SDK1: variants seen among roughly 807,000 people sequenced by gnomAD.
SDK1 encodes sidekick cell adhesion molecule 1.
A neutral mutation model predicts 245.5 loss-of-function variants in SDK1; 157 were observed. The observed-to-expected ratio is 0.64, with a 90% CI of 0.56 to 0.73. The LOEUF (loss-of-function observed/expected upper bound fraction) is 0.73. Among genes scored for constraint, SDK1 ranks in the 30% least tolerant of loss-of-function variants. The probability of loss-of-function intolerance (pLI) is 0.00; values close to 1 mark genes in which losing one functional copy is unlikely to be tolerated. For synonymous variants in SDK1, 1,647 were observed against 1,278.5 expected (o/e 1.29, Z -6.15); for missense variants, 3,583 against 3,002.3 (o/e 1.19, Z -4.52).
At chr7:4,127,011 T>G (rs760730642) in intron 25 of SDK1, among the ~76,000 whole-genome samples, 2 of 152,180 alleles carry the variant, frequency 1.3e-5, no homozygotes, top group African/African-American at 2.4e-5. Flanking sequence ...CTCCTGTCCC[T>G]ATCACAGAAT....
intron 17 of SDK1, among the ~76,000 whole-genome samples, chr7:4,031,595 G>T (rs1305532880): frequency 1.3e-5 from 2 of 149,762 alleles, no homozygotes; most frequent in African/African-American, 4.9e-5. Flanking sequence ...ATGTCAAGAA[G>T]TGTACATGTA....
At chr7:4,186,732 G>A (rs373660642) in intron 35 of SDK1, among the ~76,000 whole-genome samples, 15 of 152,280 alleles carry the variant, frequency 9.9e-5, no homozygotes, top group South Asian at 2.1e-4. Flanking sequence ...ACCTCACTAA[G>A]CCCTCAAATG....
intron 1 of SDK1, among the ~76,000 whole-genome samples, chr7:3,416,715 G>A (rs1359617185): frequency 1.3e-5 from 2 of 152,106 alleles, no homozygotes; most frequent in Non-Finnish European, 2.9e-5. Context: ...GCTGACGTCA[G>A]GCTTAAGCTG....
At chr7:3,547,870 C>A (rs537877441) in intron 1 of SDK1, among the ~76,000 whole-genome samples, 2 of 152,182 alleles carry the variant, frequency 1.3e-5, no homozygotes, top group African/African-American at 2.4e-5. Flanking sequence ...TTCTGCCTGG[C>A]CATCTGCTTC....
chr7:3,961,578 C>CAGCTTT (rs1244175052), intron 8 of SDK1, among the ~76,000 whole-genome samples: 2 of 151,406 alleles, frequency 1.3e-5, no homozygotes, highest in Non-Finnish European at 2.9e-5. Context: ...TGGAGCGAGG[C>CAGCTTT]AGCTTTTCCT....
chr7:3,561,028 A>T (rs1251459202), intron 1 of SDK1, among the ~76,000 whole-genome samples: 1 of 151,988 alleles, frequency 6.6e-6, no homozygotes, highest in Non-Finnish European at 1.5e-5. Flanking sequence ...CACATCTAAC[A>T]TACTATATGT....
rs34525808 is a variant in SDK1, at chr7:4,232,364, CT to C, written c.5828-880del. Among the ~76,000 whole-genome samples the C allele has an allele frequency of 1.7e-3, 192 of 112,520 alleles. 2 individuals carry two copies. Among genetic ancestry groups the C allele is most frequent in the African/African-American group, 5.0e-3 (148 of 29,850 alleles). The allele number at this position is 112,520 out of a possible 152,430, so 73.8% of individuals were successfully genotyped here. ...TATAGTGTCATAAGTTTTTTTCTTTCTTTTTTTTTTTCCTTTTTTCTTTTTT... is the reference window on the plus strand; with the variant it reads ...TATAGTGTCATAAGTTTTTTTCTTTCTTTTTTTTTTCCTTTTTTCTTTTTT... On this transcript the variant is annotated intron_variant, in intron 40 of 44. Transcript: ENST00000404826.
chr7:4,058,609 T>C (rs188108064), intron 19 of SDK1, among the ~76,000 whole-genome samples: 2 of 152,278 alleles, frequency 1.3e-5, no homozygotes, highest in Non-Finnish European at 2.9e-5. Flanking sequence ...GAAAAGCATC[T>C]ACTCACTTAT....
At chr7:3,416,285 G>A (rs1583825122) in intron 1 of SDK1, among the ~76,000 whole-genome samples, 1 of 152,046 alleles carries the variant, frequency 6.6e-6, no homozygotes, top group Non-Finnish European at 1.5e-5. Flanking sequence ...TGCCGTTCAG[G>A]GAGGAGTTGG....
intron 34 of SDK1, among the ~76,000 whole-genome samples, chr7:4,176,285 C>T (rs879907916): frequency 6.6e-6 from 1 of 152,044 alleles, no homozygotes; most frequent in Non-Finnish European, 1.5e-5. Flanking sequence ...CCTCAGCCCC[C>T]CAAGTAGCTG....
rs566153914 is a variant in SDK1, at chr7:3,982,578, C to T, written c.1995-4608C>T. Among the ~76,000 whole-genome samples the T allele has an allele frequency of 3.3e-5, 5 of 152,170 alleles. No individual in the cohort carries two copies. In the South Asian group the frequency reaches 6.2e-4, roughly 19 times the overall value. ...TTTGTGGGCTGGGCGCGGTGGCTCA[C>T]GCCTGTAATCCCAACACTTTGGGAG... is the stretch of plus-strand genomic sequence containing the variant. On this transcript the variant is annotated intron_variant, in intron 13 of 44. Transcript: ENST00000404826.
chr7:4,170,428 C>G (rs548541011), intron 32 of SDK1, among the ~76,000 whole-genome samples: 13 of 152,132 alleles, frequency 8.5e-5, no homozygotes, highest in Non-Finnish European at 1.3e-4. Context: ...GCCTGGGTGA[C>G]AGGGTGAGAT....
intron 1 of SDK1, among the ~76,000 whole-genome samples, chr7:3,417,571 A>G (rs1779409821): frequency 6.6e-6 from 1 of 152,164 alleles, no homozygotes; most frequent in Non-Finnish European, 1.5e-5. Context: ...ACTAAGGCAA[A>G]AATACCCTGA....
chr7:4,089,218 C>G (rs1450929015), intron 22 of SDK1, among the ~76,000 whole-genome samples: 1 of 152,112 alleles, frequency 6.6e-6, no homozygotes, highest in Non-Finnish European at 1.5e-5. Context: ...GAGACCCTCC[C>G]TCAAGTGGAG....
chr7:3,704,156 C>G (rs1014716896), intron 4 of SDK1, among the ~76,000 whole-genome samples: 6 of 152,054 alleles, frequency 3.9e-5, no homozygotes, highest in African/African-American at 1.4e-4. Context: ...GTTTTCTATT[C>G]CTGAGTTACT....
At chr7:3,544,308 A>T (rs1372387448) in intron 1 of SDK1, among the ~76,000 whole-genome samples, 3 of 152,254 alleles carry the variant, frequency 2.0e-5, no homozygotes, top group Admixed American at 6.5e-5. Context: ...AATTTAGAAT[A>T]GAACATATTT....
At chr7:3,730,994 C>T (rs1779159410) in intron 4 of SDK1, among the ~76,000 whole-genome samples, 1 of 152,190 alleles carries the variant, frequency 6.6e-6, no homozygotes, top group Non-Finnish European at 1.5e-5. Flanking sequence ...CATTTTCTAG[C>T]TTTCCATTGA....
intron 4 of SDK1, among the ~76,000 whole-genome samples, chr7:3,818,570 A>C (rs1779567116): frequency 6.6e-6 from 1 of 152,216 alleles, no homozygotes; most frequent in Non-Finnish European, 1.5e-5. Flanking sequence ...AGAACCCTTA[A>C]ATCCAAAAAA....
At chr7:3,510,199 G>A (rs142420519) in intron 1 of SDK1, among the ~76,000 whole-genome samples, 1 of 152,194 alleles carries the variant, frequency 6.6e-6, no homozygotes, top group Non-Finnish European at 1.5e-5. Context: ...ATTATGTGCT[G>A]CTAGTCACTG....
Sources: gnomAD v4.1 joint callset for allele counts (sites outside exome capture counted in the v4.1 genomes callset) on GRCh38, gnomAD v4.1.1 for gene constraint, MANE v1.5 for transcripts, NCBI Gene and HGNC (gene_info 2026-07-23, HGNC 2026-07-21) for gene names.